RPS6KA2: variants seen among roughly 807,000 people sequenced by gnomAD.
The protein encoded by RPS6KA2 is ribosomal protein S6 kinase A2.
In RPS6KA2, 42 loss-of-function variants were observed where a neutral mutation model predicts 91.8. The ratio of observed to expected loss-of-function variants is 0.46; its 90% confidence interval spans 0.36 to 0.59. The LOEUF (loss-of-function observed/expected upper bound fraction) is 0.59. Ranked by LOEUF, RPS6KA2 falls within the 20% of genes least tolerant of loss-of-function variation. The pLI is 0.00. For missense variants in RPS6KA2, 798 were observed against 978.5 expected (o/e 0.82, Z 2.46); for synonymous variants, 414 against 393.6 (o/e 1.05, Z -0.61).
intron 2 of RPS6KA2, among the ~76,000 whole-genome samples, chr6:166,840,952 A>G (rs1780458711): frequency 6.6e-6 from 1 of 151,962 alleles, no homozygotes; most frequent in East Asian, 1.9e-4. Flanking sequence ...AACAAGAGCG[A>G]AACTTTGTCT....
At chr6:166,739,044 G>GA (rs1241236474) in intron 2 of RPS6KA2, among the ~76,000 whole-genome samples, 6 of 152,128 alleles carry the variant, frequency 3.9e-5, no homozygotes, top group Non-Finnish European at 5.9e-5. Context: ...GAAACTGTAG[G>GA]AAAAATCAAG....
intron 10 of RPS6KA2, among the ~76,000 whole-genome samples, chr6:166,477,941 A>G (rs1781037546): frequency 6.6e-6 from 1 of 152,252 alleles, no homozygotes; most frequent in Admixed American, 6.5e-5. Flanking sequence ...AGTGACTCCA[A>G]GACAAAGCGC....
At position 166,747,494 on chromosome 6, in the gene RPS6KA2, T is replaced by A. The variant is rs145346614; in HGVS notation, c.123+110706A>T. On this transcript the variant is annotated intron_variant, in intron 2 of 21. Transcript: ENST00000503859. ...CTACAACATCCTTCACAAATGCACA[T>A]CGCATGTCTTAGTGACACAAGCCCG... Among the ~76,000 whole-genome samples, 863 of 152,292 alleles carry A rather than the reference T, an allele frequency of 5.7e-3. 9 individuals are homozygous for A. The highest frequency in any genetic ancestry group is 0.017 in the Middle Eastern group (5 of 294).
intron 11 of RPS6KA2, among the ~76,000 whole-genome samples, chr6:166,461,787 T>C (rs1214765663): frequency 1.3e-5 from 2 of 152,218 alleles, no homozygotes; most frequent in African/African-American, 4.8e-5. Flanking sequence ...GGGGCCCACA[T>C]GGCCCCTCTA....
chr6:166,448,267 C>T lies in RPS6KA2; in HGVS notation c.1332+457G>A, dbSNP rs1779742849. ...CTTTTTTCTTTCCTTCCTTTCCTTG[C>T]CAAATTCTATACCTGTCCCCCAACT... is the stretch of plus-strand genomic sequence containing the variant. On this transcript the variant is annotated intron_variant, in intron 14 of 20. Transcript: ENST00000265678. The surrounding 1 kb of genome is among the most constrained non-coding windows in gnomAD (Gnocchi z 4.7). 6.6e-6 allele frequency among the ~76,000 whole-genome samples: 1 copy of T among 152,088 alleles called. No individual in the cohort carries two copies. Among genetic ancestry groups the T allele is most frequent in the Non-Finnish European group, 1.5e-5 (1 of 68,024 alleles).
At chr6:166,697,308 G>C (rs1235744879) in intron 2 of RPS6KA2, among the ~76,000 whole-genome samples, 1 of 152,162 alleles carries the variant, frequency 6.6e-6, no homozygotes, top group African/African-American at 2.4e-5. Flanking sequence ...AGCGGAAGTT[G>C]ACCACAAATC....
intron 3 of RPS6KA2, among the ~76,000 whole-genome samples, chr6:166,530,108 G>A (rs147140843): frequency 1.3e-5 from 2 of 152,194 alleles, no homozygotes; most frequent in Admixed American, 6.5e-5. Context: ...TGAAGGCAGA[G>A]AATGATATAT....
intron 19 of RPS6KA2, among the ~76,000 whole-genome samples, chr6:166,417,657 G>A (rs555422399): frequency 2.0e-5 from 3 of 149,080 alleles, no homozygotes; most frequent in East Asian, 1.9e-4. Flanking sequence ...ACACACGCAC[G>A]CATGTTCTGT....
intron 2 of RPS6KA2, among the ~76,000 whole-genome samples, chr6:166,816,526 G>A (rs886111841): frequency 6.6e-6 from 1 of 151,064 alleles, no homozygotes; most frequent in Admixed American, 6.6e-5. Context: ...CTGCACTCCA[G>A]CCTGGGTGAC....
Position 166,412,417 on chromosome 6 carries a change from A to T in RPS6KA2, c.*345T>A, listed in dbSNP as rs1778337345. ...GTCTGACCAAACCGACCGGCTTCATAATTGGAAAACAGATCTCTCGGCAGA... is the reference window on the plus strand; with the variant it reads ...GTCTGACCAAACCGACCGGCTTCATTATTGGAAAACAGATCTCTCGGCAGA... On this transcript the variant is annotated 3_prime_UTR_variant, in exon 21 of 21. Transcript: ENST00000265678. This position sits in a 1 kb window ranked among gnomAD's most constrained non-coding sequence, Gnocchi z 4.3. 1 of 164,754 alleles carries T rather than the reference A, an allele frequency of 6.1e-6. No homozygotes were observed. Among genetic ancestry groups the T allele is most frequent in the Non-Finnish European group, 1.3e-5 (1 of 76,306 alleles). The allele number at this position is 164,754 out of a possible 1,614,324, so 10.2% of individuals were successfully genotyped here. A position where few individuals can be genotyped will look rare whatever the true frequency, so the allele number is the denominator to read the frequency against.
intron 17 of RPS6KA2, among the ~76,000 whole-genome samples, chr6:166,421,709 T>C (rs886334280): frequency 3.3e-5 from 5 of 152,216 alleles, no homozygotes; most frequent in African/African-American, 9.6e-5. Context: ...CTCGCATGCA[T>C]AAATGAGAAG....
chr6:166,575,154 C>T (rs1784801261), intron 1 of RPS6KA2, among the ~76,000 whole-genome samples: 2 of 152,198 alleles, frequency 1.3e-5, no homozygotes, highest in South Asian at 2.1e-4. Flanking sequence ...CTTTTGTTTA[C>T]GAACGCCATA....
Position 166,627,025 on chromosome 6 carries a change from C to G in RPS6KA2, c.-6G>C, listed in dbSNP as rs1305625670. 6.8e-7 allele frequency: 1 copy of G among 1,471,848 alleles called. No individual in the cohort carries two copies. The highest frequency in any genetic ancestry group is 9.1e-7 in the Non-Finnish European group (1 of 1,101,808). 91.2% of individuals were successfully genotyped at this position (1,471,848 alleles called of 1,614,324 possible). A position where few individuals can be genotyped will look rare whatever the true frequency, so the allele number is the denominator to read the frequency against. ...TTCTTCATGCTCAGGTCCATCGCCC[C>G]GCGCCCAGCCCGGAGCAGCCGCAGG... On this transcript the variant is annotated 5_prime_UTR_variant, in exon 1 of 21. Transcript: ENST00000265678.
chr6:166,569,807 C>T (rs1324048224), intron 1 of RPS6KA2, among the ~76,000 whole-genome samples: 1 of 152,182 alleles, frequency 6.6e-6, no homozygotes, highest in Non-Finnish European at 1.5e-5. Context: ...AGGACATCTC[C>T]CTGTACTGAC....
chr6:166,791,321 T>G (rs527356482), intron 2 of RPS6KA2, among the ~76,000 whole-genome samples: 3 of 152,264 alleles, frequency 2.0e-5, no homozygotes, highest in Admixed American at 1.3e-4. Flanking sequence ...CTAACTATCC[T>G]AAATATATAT....
chr6:166,673,736 TTC>T (rs1005493306), intron 2 of RPS6KA2, among the ~76,000 whole-genome samples: 69 of 152,366 alleles, frequency 4.5e-4, no homozygotes, highest in African/African-American at 1.5e-3. Flanking sequence ...TTTGTGATTT[TTC>T]TTTTTTTAGC....
chr6:166,599,098 T>G (rs1278867934), intron 1 of RPS6KA2, among the ~76,000 whole-genome samples: 2 of 152,220 alleles, frequency 1.3e-5, no homozygotes, highest in African/African-American at 4.8e-5. Flanking sequence ...ACCTGGTGCG[T>G]GCCATATGTA....
intron 2 of RPS6KA2, among the ~76,000 whole-genome samples, chr6:166,637,258 C>T (rs1017189122): frequency 2.6e-5 from 4 of 152,232 alleles, no homozygotes; most frequent in Non-Finnish European, 4.4e-5. Context: ...CAAGGACACA[C>T]GAGTGCTTCC....
rs1003857 is a variant in RPS6KA2, at chr6:166,538,776, G to A, written c.108C>T (p.Gly36=). The change falls in exon 2 of 21, where the codon GGC becomes GGT. Residue 36 remains glycine, a synonymous_variant. Coordinates refer to ENST00000265678, the MANE Select transcript of RPS6KA2 (RefSeq NM_021135.6). ...GGCTGATGTCTATCTCCTTCACGAC[G>A]CCTTCTTCCTGCAAGAGAGCGGCAC... ...SSSLSRLEEE[G]VVKEIDISHH... is the part of the protein sequence containing the mutation. 1,214,517 of 1,566,474 alleles carry A rather than the reference G, an allele frequency of 0.78. 473,826 individuals carry two copies. The highest frequency in any genetic ancestry group is 0.95 in the East Asian group (42,175 of 44,560).
Sources: gnomAD v4.1 joint callset for allele counts (sites outside exome capture counted in the v4.1 genomes callset) on GRCh38, gnomAD v4.1.1 for gene constraint, Gnocchi (gnomAD v3.1) non-coding constraint, MANE v1.5 for transcripts, NCBI Gene and HGNC (gene_info 2026-07-23, HGNC 2026-07-21) for gene names.